The following USP49 variants were observed in gnomAD, a reference collection of about 807,000 sequenced individuals.
The protein encoded by USP49 is ubiquitin carboxyl-terminal hydrolase 49.
Under a neutral mutation model 58.6 loss-of-function variants are expected in USP49, and 24 were observed. The observed-to-expected ratio is 0.41, with a 90% CI of 0.30 to 0.58. The LOEUF is 0.58. Ranked by LOEUF, USP49 falls within the 20% of genes least tolerant of loss-of-function variation. The pLI is 0.30. For missense variants in USP49, 703 were observed against 866.1 expected (o/e 0.81, Z 2.36); for synonymous variants, 408 against 365.1 (o/e 1.12, Z -1.34).
chr6:41,798,260 T>G, intron 7 of USP49: 1 of 175,428 alleles, frequency 5.7e-6, no homozygotes, highest in Admixed American at 5.5e-5. Flanking sequence ...AAAATTTGAA[T>G]CCAACTTTCA....
intron 2 of USP49, among the ~76,000 whole-genome samples, chr6:41,876,110 T>C (rs1198753325): frequency 6.6e-6 from 1 of 152,198 alleles, no homozygotes; most frequent in Non-Finnish European, 1.5e-5. Context: ...AGAAGATTCA[T>C]GAATGAAAGC....
intron 3 of USP49, among the ~76,000 whole-genome samples, chr6:41,807,855 C>T (rs1368070154): frequency 6.6e-6 from 1 of 151,710 alleles, no homozygotes; most frequent in Non-Finnish European, 1.5e-5. Context: ...CTCACTGCAA[C>T]TTCTGCCTCC....
chr6:41,834,059 G>A (rs919351181), intron 3 of USP49, among the ~76,000 whole-genome samples: 6 of 152,130 alleles, frequency 3.9e-5, no homozygotes, highest in East Asian at 3.9e-4. Context: ...AAACATGCAC[G>A]CCCATCACTA....
chr6:41,840,651 T>C (rs566825779), intron 3 of USP49, among the ~76,000 whole-genome samples: 36 of 152,292 alleles, frequency 2.4e-4, no homozygotes, highest in African/African-American at 7.9e-4. Context: ...AACTTGCTTT[T>C]TTAAAGACCT....
rs1289652556 is a variant in USP49 at position 41,791,691 on chromosome 6, T to C, written c.*4842A>G. On this transcript the variant is annotated 3_prime_UTR_variant, in exon 8 of 8. Coordinates refer to ENST00000682992, the MANE Select transcript of USP49 (RefSeq NM_001286554.2). ...GAAGTATGGAATGAGTCCACAAAAA[T>C]GAGTGCCTGCCACAATGCTATAGTA... 6.6e-6 allele frequency: 1 copy of C among 152,168 alleles called. No individual in the cohort carries two copies. The highest frequency in any genetic ancestry group is 2.4e-5 in the African/African-American group (1 of 41,430). 9.4% of individuals were successfully genotyped at this position (152,168 alleles called of 1,614,324 possible).
intron 3 of USP49, among the ~76,000 whole-genome samples, chr6:41,833,664 G>C (rs949374189): frequency 6.6e-6 from 1 of 152,136 alleles, no homozygotes; most frequent in African/African-American, 2.4e-5. Context: ...GTTCTTATTG[G>C]TATGGGTAAA....
rs1561904400 is a variant in USP49 at position 41,806,445 on chromosome 6, C to T, written c.539G>A (p.Arg180His). 1.9e-6 allele frequency: 3 copies of T among 1,585,698 alleles called. No individual in the cohort carries two copies. The highest frequency in any genetic ancestry group is 2.6e-6 in the Non-Finnish European group (3 of 1,174,614). Residue 180 changes from arginine to histidine, a missense_variant, in exon 4 of 8, where the codon CGC (arginine) becomes CAC (histidine). Physicochemically the swap from Arg to His is conservative, Grantham distance 29. This residue lies in a region of USP49 where 376 missense variants were observed against 373.5 expected (regional missense o/e 1.01). Transcript: ENST00000682992. This position sits in a 1 kb window ranked among gnomAD's most constrained non-coding sequence, Gnocchi z 5.9. ...CCGCCTCCGCGCCTCCTCCTTCTTG[C>T]GCTCCAGGGCCTCCTCCTGCCGCCG... ...EQRRQEEALE[R>H]KKEEARRRRR...
intron 3 of USP49, among the ~76,000 whole-genome samples, chr6:41,857,749 T>A (rs1352018619): frequency 6.6e-6 from 1 of 152,220 alleles, no homozygotes; most frequent in Non-Finnish European, 1.5e-5. Context: ...TTTTCCTTTA[T>A]CCACCTGATT....
Position 41,796,275 on chromosome 6 carries a change from T to G in USP49, c.*258A>C. The stretch of plus-strand genomic sequence containing the variant: ...CCGCTTTCCTCCACCCAGATCCCTC[T>G]ATATTCAGAAGCAACTGATGAAAGG... On this transcript the variant is annotated 3_prime_UTR_variant, in exon 8 of 8. Transcript: ENST00000682992. The G allele has an allele frequency of 5.5e-6, 2 of 362,896 alleles. No homozygotes were observed. Among genetic ancestry groups the G allele is most frequent in the Non-Finnish European group, 5.1e-6 (1 of 197,514 alleles). 22.5% of individuals were successfully genotyped at this position (362,896 alleles called of 1,614,324 possible). A position where few individuals can be genotyped will look rare whatever the true frequency, so the allele number is the denominator to read the frequency against.
At chr6:41,823,559 C>T (rs1406599874) in intron 3 of USP49, among the ~76,000 whole-genome samples, 1 of 152,148 alleles carries the variant, frequency 6.6e-6, no homozygotes, top group Non-Finnish European at 1.5e-5. Flanking sequence ...CTGTACTCTG[C>T]AGAGTGGCAA....
At chr6:41,856,314 G>A (rs977965452) in intron 3 of USP49, among the ~76,000 whole-genome samples, 5 of 151,614 alleles carry the variant, frequency 3.3e-5, no homozygotes, top group African/African-American at 1.2e-4. Flanking sequence ...GGCGGAGCTT[G>A]CAGTGAGCCG....
At chr6:41,856,952 T>C (rs903210194) in intron 3 of USP49, among the ~76,000 whole-genome samples, 2 of 152,220 alleles carry the variant, frequency 1.3e-5, no homozygotes, top group African/African-American at 2.4e-5. Flanking sequence ...TGTCCCGTGG[T>C]GCTGGATACC....
intron 2 of USP49, among the ~76,000 whole-genome samples, chr6:41,877,220 C>CAGAG (rs1774518118): frequency 6.6e-6 from 1 of 152,138 alleles, no homozygotes; most frequent in Non-Finnish European, 1.5e-5. Flanking sequence ...AACTGCAAAA[C>CAGAG]AGAGATGTTT....
chr6:41,855,646 C>T (rs1774114991), intron 3 of USP49, among the ~76,000 whole-genome samples: 1 of 152,232 alleles, frequency 6.6e-6, no homozygotes, highest in Admixed American at 6.5e-5. Context: ...GCCACACAAT[C>T]TGATCCCGCC....
chr6:41,859,490 T>G (rs754844807), intron 3 of USP49, among the ~76,000 whole-genome samples: 1 of 152,192 alleles, frequency 6.6e-6, no homozygotes, highest in Non-Finnish European at 1.5e-5. Context: ...CGTGTGTACT[T>G]TCCCTTATTC....
chr6:41,895,026 G>A (rs1381990383), intron 1 of USP49, among the ~76,000 whole-genome samples: 3 of 113,916 alleles, frequency 2.6e-5, no homozygotes, highest in Non-Finnish European at 5.5e-5. Flanking sequence ...CTCGCCTCCC[G>A]CCGCCCCCGC....
At position 41,816,992 on chromosome 6, in the gene USP49, C is replaced by T. The variant is rs544231585; in HGVS notation, c.-28-9981G>A. 2.6e-4 allele frequency among the ~76,000 whole-genome samples: 40 copies of T among 151,738 alleles called. No individual in the cohort carries two copies. In the South Asian group the frequency reaches 8.3e-3, roughly 32 times the overall value. ...AAGTGTTGTGATTACAGGCATGAGC[C>T]ACTGCACCTGGCTATTATTATTATT... On this transcript the variant is annotated intron_variant, in intron 3 of 7. Transcript: ENST00000682992.
chr6:41,805,784 C>T lies in USP49; in HGVS notation c.1200G>A (p.Ala400=), dbSNP rs757111868. Reference sequence around the variant, plus strand: ...GCAGCAGCTCGCAGAGAAATTCCTGCGCGTCCTGTTGGTCGTAGCCGCGGA... The same window carrying T: ...GCAGCAGCTCGCAGAGAAATTCCTGTGCGTCCTGTTGGTCGTAGCCGCGGA... The part of the protein sequence containing the change: ...PAFRGYDQQD[A]QEFLCELLHK... The change falls in exon 4 of 8, where the codon GCG becomes GCA. Residue 400 remains alanine, a synonymous_variant. Coordinates refer to ENST00000682992, the MANE Select transcript of USP49 (RefSeq NM_001286554.2). 2.1e-5 allele frequency: 34 copies of T among 1,614,008 alleles called. No homozygotes were observed. The highest frequency in any genetic ancestry group is 2.9e-5 in the Non-Finnish European group (34 of 1,180,046).
At chr6:41,819,246 G>A (rs1773412699) in intron 3 of USP49, among the ~76,000 whole-genome samples, 2 of 152,056 alleles carry the variant, frequency 1.3e-5, no homozygotes, top group South Asian at 2.1e-4. Flanking sequence ...GTTTTATTTT[G>A]TTTTGTTTTA....
Sources: allele counts gnomAD v4.1 joint callset (sites outside exome capture counted in the v4.1 genomes callset), GRCh38; gene constraint gnomAD v4.1.1; regional missense constraint gnomAD v4.1.1; non-coding constraint Gnocchi (gnomAD v3.1); transcripts MANE v1.5; gene names NCBI Gene and HGNC (gene_info 2026-07-23, HGNC 2026-07-21).